AJAP1: variants seen among roughly 807,000 people sequenced by gnomAD.
AJAP1 encodes the protein adherens junctions associated protein 1, also known as adherens junction-associated protein 1.
In AJAP1, 5 loss-of-function variants were observed where a neutral mutation model predicts 35.0. That is an observed-to-expected ratio of 0.14 (90% CI 0.07 to 0.30). AJAP1 has a LOEUF of 0.30. Ranked by LOEUF, AJAP1 falls within the 10% of genes least tolerant of loss-of-function variation. AJAP1 has a pLI of 1.00. For missense variants in AJAP1, 586 were observed against 571.0 expected (o/e 1.03, Z -0.27); for synonymous variants, 284 against 249.3 (o/e 1.14, Z -1.31).
intron 2 of AJAP1, among the ~76,000 whole-genome samples, chr1:4,757,059 CGTT>C (rs1641448869): frequency 6.6e-6 from 1 of 152,104 alleles, no homozygotes; most frequent in South Asian, 2.1e-4. Flanking sequence ...ACACATGAGT[CGTT>C]GTTTGGGGAG....
At chr1:4,694,127 G>C (rs763060212) in intron 1 of AJAP1, among the ~76,000 whole-genome samples, 5 of 152,214 alleles carry the variant, frequency 3.3e-5, no homozygotes, top group Non-Finnish European at 5.9e-5. Flanking sequence ...GGGAGGGGCG[G>C]GGTGAGCCTC....
chr1:4,703,707 G>A (rs1280846208), intron 1 of AJAP1, among the ~76,000 whole-genome samples: 1 of 152,182 alleles, frequency 6.6e-6, no homozygotes, highest in Non-Finnish European at 1.5e-5. Flanking sequence ...CCAAAGATCA[G>A]GGGTTGGGTA....
chr1:4,686,282 G>T (rs1639602649), intron 1 of AJAP1, among the ~76,000 whole-genome samples: 1 of 152,164 alleles, frequency 6.6e-6, no homozygotes, highest in Non-Finnish European at 1.5e-5. Context: ...GACATTTGTT[G>T]TCTCGGTCTG....
intron 2 of AJAP1, among the ~76,000 whole-genome samples, chr1:4,714,537 C>T (rs948489577): frequency 3.3e-5 from 5 of 152,128 alleles, no homozygotes; most frequent in African/African-American, 4.8e-5. Flanking sequence ...GTTAAACACC[C>T]GGGACAGCGT....
In AJAP1 at chr1:4,769,849, C is replaced by A. The variant is rs377403165; in HGVS notation, c.830-4C>A. 6.2e-7 allele frequency: 1 copy of A among 1,613,450 alleles called. No homozygotes were observed. The highest frequency in any genetic ancestry group is 1.1e-5 in the South Asian group (1 of 91,074). ...TGCCCTCTTCCCTCTTTCCTTCTTT[C>A]CAGGTCTGGCTGTCCATCAGATCAT... On this transcript the variant is annotated splice_region_variant and splice_polypyrimidine_tract_variant and intron_variant, in intron 2 of 5. Transcript: ENST00000378191.
At chr1:4,659,328 G>T (rs1429652457) in intron 1 of AJAP1, among the ~76,000 whole-genome samples, 3 of 152,140 alleles carry the variant, frequency 2.0e-5, no homozygotes, top group African/African-American at 7.2e-5. Context: ...GGCTTGAGAG[G>T]GTTTCTCCTG....
chr1:4,691,596 C>A (rs1393329227), intron 1 of AJAP1, among the ~76,000 whole-genome samples: 1 of 152,172 alleles, frequency 6.6e-6, no homozygotes, highest in Non-Finnish European at 1.5e-5. Context: ...AGAGTCGGAG[C>A]TAACTCCGGG....
chr1:4,665,905 G>C (rs1037931254), intron 1 of AJAP1, among the ~76,000 whole-genome samples: 7 of 152,258 alleles, frequency 4.6e-5, no homozygotes, highest in African/African-American at 1.7e-4. Flanking sequence ...AGGTTTCCCA[G>C]AGGTAGCAGC....
chr1:4,739,606 T>C (rs1045293732), intron 2 of AJAP1, among the ~76,000 whole-genome samples: 1 of 152,260 alleles, frequency 6.6e-6, no homozygotes, highest in Non-Finnish European at 1.5e-5. Flanking sequence ...TCACACGAGC[T>C]GTTGGTATTT....
chr1:4,655,581 G>A lies in AJAP1; in HGVS notation c.29+127G>A. The A allele has an allele frequency of 1.6e-6, 2 of 1,223,370 alleles. No individual in the cohort carries two copies. The highest frequency in any genetic ancestry group is 2.2e-6 in the Non-Finnish European group (2 of 907,134). The allele number at this position is 1,223,370 out of a possible 1,614,324, so 75.8% of individuals were successfully genotyped here. A position where few individuals can be genotyped will look rare whatever the true frequency, so the allele number is the denominator to read the frequency against. Reference sequence around the variant, plus strand: ...GCTTCCCGCAAGCGGGCAACGGGGTGCACCGGTAGCCGGAAAGGGGCGCCC... The same window carrying A: ...GCTTCCCGCAAGCGGGCAACGGGGTACACCGGTAGCCGGAAAGGGGCGCCC... On this transcript the variant is annotated intron_variant, in intron 1 of 5. Transcript: ENST00000378191. The surrounding 1 kb of genome is among the most constrained non-coding windows in gnomAD (Gnocchi z 6.9).
At chr1:4,688,169 C>T (rs1053480887) in intron 1 of AJAP1, among the ~76,000 whole-genome samples, 9 of 152,144 alleles carry the variant, frequency 5.9e-5, no homozygotes, top group African/African-American at 1.7e-4. Context: ...GGGGGTCCCT[C>T]GGAGCGCCCC....
At chr1:4,746,930 G>T (rs1360566491) in intron 2 of AJAP1, among the ~76,000 whole-genome samples, 1 of 152,192 alleles carries the variant, frequency 6.6e-6, no homozygotes, top group Non-Finnish European at 1.5e-5. Context: ...AGGGACTGTG[G>T]GTCTTGATAG....
At chr1:4,753,202 G>A (rs546529903) in intron 2 of AJAP1, among the ~76,000 whole-genome samples, 2 of 152,292 alleles carry the variant, frequency 1.3e-5, no homozygotes, top group South Asian at 4.1e-4. Context: ...ATAGGTTGAG[G>A]GGAGACAGCA....
intron 2 of AJAP1, among the ~76,000 whole-genome samples, chr1:4,719,935 G>T (rs1189603146): frequency 1.3e-5 from 2 of 152,206 alleles, no homozygotes; most frequent in Non-Finnish European, 2.9e-5. Flanking sequence ...GACCATGGCT[G>T]TGGGCTCAAT....
chr1:4,670,223 T>A (rs4654582), intron 1 of AJAP1, among the ~76,000 whole-genome samples: 110,647 of 151,960 alleles, frequency 0.73, 41,007 homozygotes, highest in Middle Eastern at 0.87. Flanking sequence ...GCTGGGCCTG[T>A]GGCAGCCGGT....
At chr1:4,735,145 A>G (rs1157181093) in intron 2 of AJAP1, among the ~76,000 whole-genome samples, 1 of 152,006 alleles carries the variant, frequency 6.6e-6, no homozygotes, top group Non-Finnish European at 1.5e-5. Flanking sequence ...GCAGGAGCAC[A>G]CCCTTACAAA....
At chr1:4,698,160 CCGTGCCAG>C (rs946986384) in intron 1 of AJAP1, among the ~76,000 whole-genome samples, 6 of 152,180 alleles carry the variant, frequency 3.9e-5, no homozygotes, top group African/African-American at 1.4e-4. Context: ...TCACCTCTGG[CCGTGCCAG>C]CGTGTTTCCC....
intron 2 of AJAP1, among the ~76,000 whole-genome samples, chr1:4,732,573 C>T (rs1640824164): frequency 1.3e-5 from 2 of 152,278 alleles, no homozygotes; most frequent in Non-Finnish European, 2.9e-5. Flanking sequence ...TGCCTACAGA[C>T]AGCCTCTCAG....
chr1:4,725,378 C>T (rs1455309543), intron 2 of AJAP1, among the ~76,000 whole-genome samples: 1 of 152,012 alleles, frequency 6.6e-6, no homozygotes, highest in Non-Finnish European at 1.5e-5. Context: ...TCTCGTGCAC[C>T]ATGGATGCCC....
Sources: gnomAD v4.1 joint callset for allele counts (sites outside exome capture counted in the v4.1 genomes callset) on GRCh38, gnomAD v4.1.1 for gene constraint, Gnocchi (gnomAD v3.1) non-coding constraint, MANE v1.5 for transcripts, NCBI Gene and HGNC (gene_info 2026-07-23, HGNC 2026-07-21) for gene names.